The following TMEM50A variants were observed in gnomAD, a reference collection of about 807,000 sequenced individuals.
TMEM50A encodes the protein transmembrane protein 50A.
TMEM50A carries 8 observed loss-of-function variants against 23.9 expected under a neutral mutation model. The observed-to-expected ratio is 0.33, with a 90% confidence interval of 0.20 to 0.60. The LOEUF (loss-of-function observed/expected upper bound fraction) is 0.60. Ranked by LOEUF, TMEM50A falls within the 20% of genes least tolerant of loss-of-function variation. TMEM50A has a pLI of 0.81. For synonymous variants in TMEM50A, 55 were observed against 60.4 expected (o/e 0.91, Z 0.41); for missense variants, 178 against 192.7 (o/e 0.92, Z 0.45).
intron 3 of TMEM50A, among the ~76,000 whole-genome samples, chr1:25,349,524 C>T (rs1162260596): frequency 6.6e-6 from 1 of 152,090 alleles, no homozygotes; most frequent in Non-Finnish European, 1.5e-5. Context: ...ACAGAGATCA[C>T]TGAAAATAAT....
rs113850443 is a variant in TMEM50A, at chr1:25,341,867, G to GT, written c.94-1083dup. The stretch of plus-strand genomic sequence containing the variant: ...AGGCCACCACACCGGGCTAATTTTT[G>GT]TTTTTTTTTTTGTTTGTTTTTTTTG... On this transcript the variant is annotated intron_variant, in intron 2 of 6. Transcript: ENST00000374358. 8.7e-3 allele frequency among the ~76,000 whole-genome samples: 981 copies of GT among 113,298 alleles called. 12 individuals carry two copies. The highest frequency in any genetic ancestry group is 0.021 in the African/African-American group (768 of 36,834). 74.3% of individuals were successfully genotyped at this position (113,298 alleles called of 152,430 possible). A position where few individuals can be genotyped will look rare whatever the true frequency, so the allele number is the denominator to read the frequency against.
Position 25,361,618 on chromosome 1 carries a change from G to A in TMEM50A, c.*913G>A, listed in dbSNP as rs960230080. On this transcript the variant is annotated 3_prime_UTR_variant, in exon 7 of 7. Transcript: ENST00000374358. ...TTGTCTCTTCCTCTTCAGAACTCTTGTCCCCCCAGGCTCCCCACCTCTGCA... is the reference window on the plus strand; with the variant it reads ...TTGTCTCTTCCTCTTCAGAACTCTTATCCCCCCAGGCTCCCCACCTCTGCA... 6.6e-6 allele frequency: 1 copy of A among 152,252 alleles called. No individual in the cohort carries two copies. Among genetic ancestry groups the A allele is most frequent in the Non-Finnish European group, 1.5e-5 (1 of 68,148 alleles). 9.4% of individuals were successfully genotyped at this position (152,252 alleles called of 1,614,324 possible).
chr1:25,351,693 G>A lies in TMEM50A; in HGVS notation c.274G>A (p.Gly92Ser). Reference sequence around the variant, plus strand: ...CAGTGAAGGTTGTCTGGGTCAAACAGGTAAATAGGTGCAAACAGCATCTTA... The same window carrying A: ...CAGTGAAGGTTGTCTGGGTCAAACAAGTAAATAGGTGCAAACAGCATCTTA... ...SYSEGCLGQTGARIWLFVGFM... is the reference protein window; with the variant it reads ...SYSEGCLGQTSARIWLFVGFM... Residue 92 changes from glycine to serine, a missense_variant and splice_region_variant, in exon 4 of 7, where the codon GGT becomes AGT. Gly to Ser is a moderately conservative substitution (Grantham distance 56, BLOSUM62 0). Transcript: ENST00000374358. The A allele has an allele frequency of 6.2e-7, 1 of 1,612,102 alleles. No individual in the cohort carries two copies. Among genetic ancestry groups the A allele is most frequent in the Non-Finnish European group, 8.5e-7 (1 of 1,179,366 alleles).
At chr1:25,358,199 G>A (rs1446411678) in intron 6 of TMEM50A, among the ~76,000 whole-genome samples, 5 of 149,456 alleles carry the variant, frequency 3.3e-5, no homozygotes, top group Admixed American at 1.3e-4. Flanking sequence ...CACCCGCCTC[G>A]GCCTCCCAAA....
At chr1:25,356,899 A>C in intron 6 of TMEM50A, 46 bp downstream of exon 6, 19 of 1,397,710 alleles carry the variant, frequency 1.4e-5, no homozygotes, top group Non-Finnish European at 1.9e-5. Flanking sequence ...TTTTTTTAAA[A>C]TAGCTTCTTT....
chr1:25,356,672 A>G (rs1645336369), intron 5 of TMEM50A, 121 bp from the exon 6 acceptor site: 1 of 720,734 alleles, frequency 1.4e-6, no homozygotes, highest in South Asian at 1.7e-5. Context: ...TTAATACTCA[A>G]GCCAACCCTA....
At position 25,342,867 on chromosome 1, in the gene TMEM50A, G is replaced by A. The variant is rs148628767; in HGVS notation, c.94-94G>A. 1.1e-3 allele frequency: 1,023 copies of A among 944,440 alleles called. 8 individuals are homozygous for A. The African/African-American group carries it at 0.014, about 13-fold the overall frequency. 58.5% of individuals were successfully genotyped at this position (944,440 alleles called of 1,614,324 possible). A position where few individuals can be genotyped will look rare whatever the true frequency, so the allele number is the denominator to read the frequency against. ...GAAAAAGCTAGAACATTTTTGAAAT[G>A]TATTAAAAGGGATCTCCTCACTTAA... On this transcript the variant is annotated intron_variant, in intron 2 of 6. Transcript: ENST00000374358.
intron 6 of TMEM50A, 53 bp downstream of exon 6, chr1:25,356,906 CT>C: frequency 7.6e-7 from 1 of 1,318,404 alleles, no homozygotes; most frequent in African/African-American, 1.5e-5. Flanking sequence ...AAAATAGCTT[CT>C]TTTATATCAT....
chr1:25,362,355 A>AGT lies in TMEM50A; in HGVS notation c.*1650_*1651insGT, dbSNP rs1645424333. ...TTTTAAACTTATTAAATTGACTCTT[A>AGT]AACTAAGTTTTTAGTCTTTAATTTT... On this transcript the variant is annotated 3_prime_UTR_variant, in exon 7 of 7. Transcript: ENST00000374358. 1 of 1,445,990 alleles carries AGT rather than the reference A, an allele frequency of 6.9e-7. No individual in the cohort carries two copies. The highest frequency in any genetic ancestry group is 9.4e-7 in the Non-Finnish European group (1 of 1,059,518). 89.6% of individuals were successfully genotyped at this position (1,445,990 alleles called of 1,614,324 possible). A position where few individuals can be genotyped will look rare whatever the true frequency, so the allele number is the denominator to read the frequency against.
At chr1:25,349,283 A>G (rs890771351) in intron 3 of TMEM50A, among the ~76,000 whole-genome samples, 1 of 152,220 alleles carries the variant, frequency 6.6e-6, no homozygotes, top group Non-Finnish European at 1.5e-5. Flanking sequence ...GAGAACATAC[A>G]TAAAAATAAT....
intron 3 of TMEM50A, among the ~76,000 whole-genome samples, chr1:25,344,939 A>T (rs572408545): frequency 6.6e-6 from 1 of 151,508 alleles, no homozygotes; most frequent in Non-Finnish European, 1.5e-5. Flanking sequence ...CAAATTCTCA[A>T]TTATATTCTT....
Position 25,360,907 on chromosome 1 carries a change from A to G in TMEM50A, c.*202A>G. ...TGGTATGCACTTGATTAACTTATAA[A>G]ATGTTAGAGGAAACTTTCACATGAA... On this transcript the variant is annotated 3_prime_UTR_variant, in exon 7 of 7. Coordinates refer to ENST00000374358, the MANE Select transcript of TMEM50A (RefSeq NM_014313.4). 1 of 425,314 alleles carries G rather than the reference A, an allele frequency of 2.4e-6. No homozygotes were observed. Among genetic ancestry groups the G allele is most frequent in the East Asian group, 3.5e-5 (1 of 28,436 alleles). 26.3% of individuals were successfully genotyped at this position (425,314 alleles called of 1,614,324 possible). A position where few individuals can be genotyped will look rare whatever the true frequency, so the allele number is the denominator to read the frequency against.
chr1:25,345,437 G>A (rs1168704930), intron 3 of TMEM50A, among the ~76,000 whole-genome samples: 1 of 152,124 alleles, frequency 6.6e-6, no homozygotes, highest in African/African-American at 2.4e-5. Flanking sequence ...AACATTAGCC[G>A]GCTATAGTGG....
In TMEM50A at chr1:25,359,913, CTTG is replaced by C. The variant is rs543949913; in HGVS notation, c.429-744_429-742del. On this transcript the variant is annotated intron_variant, in intron 6 of 6. Coordinates refer to ENST00000374358, the MANE Select transcript of TMEM50A (RefSeq NM_014313.4). ...TCTGTGTTTCTGTGCCCCCTTAATA[CTTG>C]TTATATAAGTCTCCTTCCCCAACCA... 5.8e-3 allele frequency among the ~76,000 whole-genome samples: 880 copies of C among 152,220 alleles called. 2 individuals carry two copies. The highest frequency in any genetic ancestry group is 0.018 in the African/African-American group (746 of 41,530).
At chr1:25,359,278 A>G (rs2124266459) in intron 6 of TMEM50A, among the ~76,000 whole-genome samples, 1 of 152,336 alleles carries the variant, frequency 6.6e-6, no homozygotes, top group South Asian at 2.1e-4. Context: ...ATGGCCAACC[A>G]TAATCTGGCC....
At chr1:25,357,038 T>G (rs1645340399) in intron 6 of TMEM50A, among the ~76,000 whole-genome samples, 185 bp downstream of exon 6, 1 of 152,172 alleles carries the variant, frequency 6.6e-6, no homozygotes, top group Non-Finnish European at 1.5e-5. Context: ...GCTGCCAACC[T>G]TAGGAGCATA....
At chr1:25,346,789 T>TG (rs1645223316) in intron 3 of TMEM50A, among the ~76,000 whole-genome samples, 1 of 151,944 alleles carries the variant, frequency 6.6e-6, no homozygotes, top group South Asian at 2.1e-4. Flanking sequence ...GAGGCCAAAG[T>TG]GGGCGGATCA....
chr1:25,347,427 G>C (rs1391266600), intron 3 of TMEM50A, among the ~76,000 whole-genome samples: 1 of 151,996 alleles, frequency 6.6e-6, no homozygotes, highest in Admixed American at 6.6e-5. Flanking sequence ...GTAGAGGAAG[G>C]GTTTCACCAT....
intron 2 of TMEM50A, among the ~76,000 whole-genome samples, chr1:25,341,178 G>T (rs1320661140): frequency 6.6e-6 from 1 of 152,130 alleles, no homozygotes; most frequent in African/African-American, 2.4e-5. Context: ...ATATGGTGTC[G>T]TAGGCTCTAA....
Sources: gnomAD v4.1 joint callset for allele counts (sites outside exome capture counted in the v4.1 genomes callset) on GRCh38, gnomAD v4.1.1 for gene constraint, MANE v1.5 for transcripts, NCBI Gene and HGNC (gene_info 2026-07-23, HGNC 2026-07-21) for gene names.